CUX1: variants seen among roughly 807,000 people sequenced by gnomAD.
CUX1 encodes the protein protein CASP.
Under a neutral mutation model 158.8 loss-of-function variants are expected in CUX1, and 31 were observed. The ratio of observed to expected loss-of-function variants is 0.20; its 90% CI spans 0.15 to 0.26. The LOEUF (loss-of-function observed/expected upper bound fraction) is 0.26, where lower values mean the gene tolerates loss of function less well. Ranked by LOEUF, CUX1 falls within the 10% of genes least tolerant of loss-of-function variation. The probability of loss-of-function intolerance (pLI) is 1.00; values close to 1 mark genes in which losing one functional copy is unlikely to be tolerated. For synonymous variants in CUX1, 879 were observed against 862.1 expected (o/e 1.02, Z -0.34); for missense variants, 1,589 against 2,014.6 (o/e 0.79, Z 4.04).
chr7:102,081,464 A>T, intron 4 of CUX1, among the ~76,000 whole-genome samples: 1 of 146,392 alleles, frequency 6.8e-6, no homozygotes. Context: ...CGATGGTTTT[A>T]TAAGTGTTTG....
chr7:102,199,054 C>T (rs1197418453), intron 16 of CUX1, among the ~76,000 whole-genome samples, 187 bp downstream of exon 16: 1 of 152,112 alleles, frequency 6.6e-6, no homozygotes, highest in African/African-American at 2.4e-5. Context: ...AGCTGCCTGC[C>T]CTCTCCCAAG....
downstream of CUX1, among the ~76,000 whole-genome samples, chr7:102,262,270 G>A (rs923976141): frequency 2.0e-5 from 3 of 152,164 alleles, no homozygotes; most frequent in Non-Finnish European, 4.4e-5. Flanking sequence ...CAGGCGTGGT[G>A]GCAGGCACCT....
intron 1 of CUX1, among the ~76,000 whole-genome samples, chr7:101,890,378 A>G (rs1163052501): frequency 6.6e-6 from 1 of 152,054 alleles, no homozygotes; most frequent in Non-Finnish European, 1.5e-5. Context: ...AAATGGGGAC[A>G]TGAGAGACTC....
intron 8 of CUX1, among the ~76,000 whole-genome samples, chr7:102,139,442 A>G (rs782356778): frequency 1.3e-5 from 2 of 152,146 alleles, no homozygotes; most frequent in Non-Finnish European, 2.9e-5. Context: ...GTTATTGGAT[A>G]TACATCTTCC....
At chr7:101,976,472 A>C (rs1255558001) in intron 2 of CUX1, among the ~76,000 whole-genome samples, 2 of 152,216 alleles carry the variant, frequency 1.3e-5, no homozygotes, top group Non-Finnish European at 2.9e-5. Flanking sequence ...TTTGATTGAA[A>C]AACCCAGACG....
At chr7:102,166,318 C>T (rs1586004182) in intron 9 of CUX1, among the ~76,000 whole-genome samples, 1 of 152,208 alleles carries the variant, frequency 6.6e-6, no homozygotes, top group East Asian at 1.9e-4. Flanking sequence ...AGAAAGATCT[C>T]CCAGGACAGT....
At chr7:102,012,273 C>T (rs985996492) in intron 2 of CUX1, among the ~76,000 whole-genome samples, 4 of 151,876 alleles carry the variant, frequency 2.6e-5, no homozygotes, top group East Asian at 1.9e-4. Context: ...CTGCAACCTC[C>T]GCCTCCCGGG....
chr7:102,080,790 T>C (rs1272590978), intron 4 of CUX1, among the ~76,000 whole-genome samples: 8 of 152,174 alleles, frequency 5.3e-5, no homozygotes, highest in African/African-American at 1.9e-4. Context: ...TTGGGCTTTA[T>C]CAGGGCACAC....
intron 1 of CUX1, among the ~76,000 whole-genome samples, chr7:101,866,973 C>T (rs933371771): frequency 1.3e-5 from 2 of 152,236 alleles, no homozygotes; most frequent in African/African-American, 2.4e-5. Flanking sequence ...GTAATCCCTG[C>T]GCTTTGGGAG....
intron 11 of CUX1, among the ~76,000 whole-genome samples, chr7:102,180,810 T>C (rs1792965788): frequency 6.6e-6 from 1 of 151,810 alleles, no homozygotes; most frequent in African/African-American, 2.4e-5. Context: ...CAGCGCCGGG[T>C]CCCTTGGAGG....
chr7:101,962,186 A>T (rs543326625), intron 2 of CUX1, among the ~76,000 whole-genome samples: 1 of 152,308 alleles, frequency 6.6e-6, no homozygotes, highest in African/African-American at 2.4e-5. Context: ...TGGGAATTAG[A>T]TGTCTGAAGA....
intron 3 of CUX1, among the ~76,000 whole-genome samples, chr7:102,057,375 A>C (rs1362330852): frequency 6.6e-6 from 1 of 152,164 alleles, no homozygotes; most frequent in East Asian, 1.9e-4. Context: ...TAAGAAATAC[A>C]TTTTGTAAGG....
At chr7:102,226,097 A>G (rs571064803) in intron 20 of CUX1, among the ~76,000 whole-genome samples, 13 of 152,338 alleles carry the variant, frequency 8.5e-5, no homozygotes, top group Non-Finnish European at 1.8e-4. Flanking sequence ...AGCCTCTTTT[A>G]TCAGGTTTTA....
At chr7:102,219,311 C>A (rs1465109243) in intron 20 of CUX1, among the ~76,000 whole-genome samples, 1 of 152,034 alleles carries the variant, frequency 6.6e-6, no homozygotes. Context: ...TGGAGTGGGG[C>A]AGAGCTACCA....
In CUX1 at chr7:101,827,295, T is replaced by TTCTCTTCTC. The variant is rs1562893412; in HGVS notation, c.30+9627_30+9628insCTCTTCTCT. ...CTTCTCTTCTCTTCTCTTCTCTTCT[T>TTCTCTTCTC]TTCTTTTCTTTTCCTTTCCCTTCCT... On this transcript the variant is annotated intron_variant, in intron 1 of 23. Transcript: ENST00000292535. Among the ~76,000 whole-genome samples the TTCTCTTCTC allele has an allele frequency of 6.9e-3, 321 of 46,808 alleles. 2 individuals are homozygous for TTCTCTTCTC. Among genetic ancestry groups the TTCTCTTCTC allele is most frequent in the Admixed American group, 0.025 (105 of 4,172 alleles). The allele number at this position is 46,808 out of a possible 152,430, so 30.7% of individuals were successfully genotyped here.
chr7:102,131,631 A>G (rs1343090848), intron 8 of CUX1, among the ~76,000 whole-genome samples: 1 of 151,796 alleles, frequency 6.6e-6, no homozygotes, highest in African/African-American at 2.4e-5. Context: ...CCCATGCAAA[A>G]TAAAATCTAT....
chr7:101,872,016 C>G (rs1798611698), intron 1 of CUX1, among the ~76,000 whole-genome samples: 1 of 124,810 alleles, frequency 8.0e-6, no homozygotes, highest in South Asian at 2.7e-4. Context: ...AGACTCCATC[C>G]CCCCAAAAAA....
chr7:101,879,209 G>T (rs538379463), intron 1 of CUX1, among the ~76,000 whole-genome samples: 2 of 152,220 alleles, frequency 1.3e-5, no homozygotes, highest in Non-Finnish European at 1.5e-5. Flanking sequence ...GGAGTCCCTG[G>T]GGTTGTCTTG....
At chr7:101,940,216 G>A (rs956540985) in intron 2 of CUX1, among the ~76,000 whole-genome samples, 16 of 151,066 alleles carry the variant, frequency 1.1e-4, no homozygotes, top group Non-Finnish European at 1.9e-4. Context: ...CTCCAGCCTG[G>A]GTGACGGAGG....
Sources: allele counts gnomAD v4.1 joint callset (sites outside exome capture counted in the v4.1 genomes callset), GRCh38; gene constraint gnomAD v4.1.1; transcripts MANE v1.5; gene names NCBI Gene and HGNC (gene_info 2026-07-23, HGNC 2026-07-21).